KPNA1: variants seen among roughly 807,000 people sequenced by gnomAD.
KPNA1 encodes karyopherin subunit alpha 1.
KPNA1 carries 10 observed loss-of-function variants against 70.5 expected under a neutral mutation model. The ratio of observed to expected loss-of-function variants is 0.14; its 90% CI spans 0.09 to 0.24. KPNA1 has a LOEUF of 0.24. Among genes scored for constraint, KPNA1 ranks in the 10% least tolerant of loss-of-function variants. The pLI is 1.00. For missense variants in KPNA1, 397 were observed against 637.9 expected (o/e 0.62, Z 4.07); for synonymous variants, 192 against 221.9 (o/e 0.87, Z 1.20).
chr3:122,468,238 G>A (rs2076403253), intron 2 of KPNA1, among the ~76,000 whole-genome samples: 2 of 152,158 alleles, frequency 1.3e-5, no homozygotes, highest in African/African-American at 4.8e-5. Flanking sequence ...CTGCAGTGCA[G>A]GAAAGGTAAA....
chr3:122,460,748 T>C (rs941521500), intron 5 of KPNA1: 22 of 858,230 alleles, frequency 2.6e-5, no homozygotes, highest in Non-Finnish European at 2.9e-5. Context: ...GACACAGCAA[T>C]AAGTACACAG....
chr3:122,474,506 G>C (rs1017076906), intron 2 of KPNA1, among the ~76,000 whole-genome samples: 4 of 152,084 alleles, frequency 2.6e-5, no homozygotes, highest in African/African-American at 9.7e-5. Flanking sequence ...ACAGAATAGA[G>C]AGCCCAGAAA....
intron 1 of KPNA1, among the ~76,000 whole-genome samples, chr3:122,503,315 T>C (rs1317214815): frequency 6.6e-6 from 1 of 151,886 alleles, no homozygotes; most frequent in East Asian, 1.9e-4. Context: ...AGATAAACAA[T>C]TGAGAAATGT....
At chr3:122,496,117 T>C (rs1335717609) in intron 2 of KPNA1, among the ~76,000 whole-genome samples, 6 of 152,026 alleles carry the variant, frequency 3.9e-5, no homozygotes, top group Non-Finnish European at 8.8e-5. Context: ...TTAACAAACA[T>C]ACATCAAAAA....
In KPNA1 at chr3:122,460,363, A is replaced by G. The variant is rs935857531; in HGVS notation, c.432+861T>C. On this transcript the variant is annotated intron_variant, in intron 5 of 13. Coordinates refer to ENST00000344337, the MANE Select transcript of KPNA1 (RefSeq NM_002264.4). ...GAAAATTATTGAATACTTGGCTGGGAGCAGTGGCTCACACCTGTAATCCCA... is the reference window on the plus strand; with the variant it reads ...GAAAATTATTGAATACTTGGCTGGGGGCAGTGGCTCACACCTGTAATCCCA... 5 of 979,804 alleles carry G rather than the reference A, an allele frequency of 5.1e-6. No individual in the cohort carries two copies. The African/African-American group carries it at 8.7e-5, about 17-fold the overall frequency. 60.7% of individuals were successfully genotyped at this position (979,804 alleles called of 1,614,324 possible).
intron 11 of KPNA1, among the ~76,000 whole-genome samples, chr3:122,434,815 A>G (rs1013383548): frequency 6.6e-6 from 1 of 152,168 alleles, no homozygotes; most frequent in African/African-American, 2.4e-5. Context: ...ATCATTTCCT[A>G]CATTAAGAAA....
chr3:122,450,976 T>C (rs1437275347), intron 8 of KPNA1, among the ~76,000 whole-genome samples: 1 of 152,142 alleles, frequency 6.6e-6, no homozygotes, highest in Non-Finnish European at 1.5e-5. Flanking sequence ...TGATACAATG[T>C]ACTTTGGGGA....
chr3:122,476,884 A>AAAAAAAAAAAAAAC (rs2076506326), intron 2 of KPNA1, among the ~76,000 whole-genome samples: 1 of 138,648 alleles, frequency 7.2e-6, no homozygotes, highest in Non-Finnish European at 1.6e-5. Context: ...AAAAAAAAAA[A>AAAAAAAAAAAAAAC]CTAAAAAAAG....
intron 7 of KPNA1, 69 bp from the exon 8 acceptor site, chr3:122,451,702 A>G: frequency 1.0e-6 from 1 of 990,342 alleles, no homozygotes; most frequent in Non-Finnish European, 1.6e-6. Flanking sequence ...TAAATACTAA[A>G]TAATAATACT....
chr3:122,468,272 T>C (rs974610656), intron 2 of KPNA1, among the ~76,000 whole-genome samples: 1 of 152,182 alleles, frequency 6.6e-6, no homozygotes, highest in Non-Finnish European at 1.5e-5. Context: ...TAGATGCTCC[T>C]TGGATTTGAG....
At chr3:122,501,091 T>C (rs2107503354) in intron 1 of KPNA1, among the ~76,000 whole-genome samples, 1 of 150,092 alleles carries the variant, frequency 6.7e-6, no homozygotes, top group Middle Eastern at 3.4e-3. Context: ...GGCAGTGGCA[T>C]GATCTCGGCT....
At chr3:122,470,507 G>A (rs751360960) in intron 2 of KPNA1, among the ~76,000 whole-genome samples, 8 of 151,394 alleles carry the variant, frequency 5.3e-5, no homozygotes, top group Non-Finnish European at 1.0e-4. Flanking sequence ...GTAAGACTCC[G>A]TCTCAAAAAT....
intron 2 of KPNA1, among the ~76,000 whole-genome samples, chr3:122,475,407 A>G (rs2076486140): frequency 6.6e-6 from 1 of 152,208 alleles, no homozygotes; most frequent in Admixed American, 6.5e-5. Flanking sequence ...GAAGAACAGT[A>G]TTAACATGTT....
chr3:122,434,543 A>G (rs2075959525), intron 11 of KPNA1, among the ~76,000 whole-genome samples: 1 of 152,124 alleles, frequency 6.6e-6, no homozygotes, highest in African/African-American at 2.4e-5. Flanking sequence ...CCGCTATATC[A>G]AGTTTCCTTT....
intron 2 of KPNA1, among the ~76,000 whole-genome samples, chr3:122,490,344 G>A (rs531355827): frequency 2.0e-5 from 3 of 152,176 alleles, no homozygotes; most frequent in Non-Finnish European, 2.9e-5. Flanking sequence ...TATCTCATTT[G>A]TTTCCCATCT....
At chr3:122,433,511 C>G (rs980625456) in intron 12 of KPNA1, 150 bp downstream of exon 12, 4 of 560,062 alleles carry the variant, frequency 7.1e-6, no homozygotes, top group African/African-American at 1.9e-5. Context: ...TGGAACTAAA[C>G]ATTCTTATTT....
chr3:122,450,597 C>CA (rs920964797), intron 8 of KPNA1, among the ~76,000 whole-genome samples: 31 of 152,106 alleles, frequency 2.0e-4, no homozygotes, highest in African/African-American at 6.5e-4. Context: ...AACCAAAAAA[C>CA]AAAAAATAGA....
At chr3:122,499,011 A>G (rs746571857) in intron 1 of KPNA1, among the ~76,000 whole-genome samples, 6 of 152,230 alleles carry the variant, frequency 3.9e-5, no homozygotes, top group Non-Finnish European at 7.3e-5. Flanking sequence ...AATTGTTTTA[A>G]TTCTCAGACT....
chr3:122,440,954 G>A (rs2076054580), intron 10 of KPNA1, among the ~76,000 whole-genome samples: 1 of 152,216 alleles, frequency 6.6e-6, no homozygotes, highest in Admixed American at 6.5e-5. Context: ...ACACCTGAGA[G>A]AACAAATCTA....
Sources: allele counts gnomAD v4.1 joint callset (sites outside exome capture counted in the v4.1 genomes callset), GRCh38; gene constraint gnomAD v4.1.1; transcripts MANE v1.5; gene names NCBI Gene and HGNC (gene_info 2026-07-23, HGNC 2026-07-21).